Variants in GALNT6 observed in about 807,000 individuals in gnomAD.
GALNT6 encodes the protein polypeptide N-acetylgalactosaminyltransferase 6, also known as GalNAc transferase 6.
GALNT6 carries 51 observed loss-of-function variants against 65.9 expected under a neutral mutation model. The observed-to-expected ratio is 0.77, with a 90% confidence interval of 0.62 to 0.98. The LOEUF is 0.98. Ranked by LOEUF, GALNT6 falls within the 50% of genes least tolerant of loss-of-function variation. The probability of loss-of-function intolerance (pLI) is 0.00; values close to 1 mark genes in which losing one functional copy is unlikely to be tolerated. For missense variants in GALNT6, 708 were observed against 803.3 expected (o/e 0.88, Z 1.43); for synonymous variants, 323 against 315.1 (o/e 1.02, Z -0.26).
In GALNT6 at chr12:51,360,842, G is replaced by A. The variant is rs757075864; in HGVS notation, c.1050-4C>T. 1.9e-6 allele frequency: 3 copies of A among 1,590,912 alleles called. No individual in the cohort carries two copies. The African/African-American group carries it at 4.0e-5, about 21-fold the overall frequency. ...GCCACCAGCAAACGTCGGGGATCTGGAGAGACAGAGGGAGAAGTGTGTGCA... is the reference window on the plus strand; with the variant it reads ...GCCACCAGCAAACGTCGGGGATCTGAAGAGACAGAGGGAGAAGTGTGTGCA... On this transcript the variant is annotated splice_region_variant and splice_polypyrimidine_tract_variant and intron_variant, in intron 6 of 11. Coordinates refer to ENST00000356317, the MANE Select transcript of GALNT6 (RefSeq NM_007210.4).
At chr12:51,377,850 G>C (rs576509621) in intron 3 of GALNT6, among the ~76,000 whole-genome samples, 47 of 152,196 alleles carry the variant, frequency 3.1e-4, no homozygotes, top group Non-Finnish European at 6.5e-4. Context: ...ACAGCGTACA[G>C]TTCCTCTCTA....
intron 7 of GALNT6, chr12:51,359,702 G>A (rs1287947552): frequency 5.9e-6 from 1 of 168,696 alleles, no homozygotes; most frequent in African/African-American, 2.4e-5. Flanking sequence ...GCTCCCTCAG[G>A]TGATAAAAAC....
chr12:51,386,008 A>G (rs1947828040), intron 2 of GALNT6, among the ~76,000 whole-genome samples: 1 of 152,118 alleles, frequency 6.6e-6, no homozygotes. Flanking sequence ...GGCTAGTTCC[A>G]CAAACTCTTG....
chr12:51,370,059 G>C (rs913582705), intron 4 of GALNT6, among the ~76,000 whole-genome samples: 4 of 152,286 alleles, frequency 2.6e-5, no homozygotes, highest in Admixed American at 6.5e-5. Context: ...ATTACCATAT[G>C]ATCCAGCAAT....
chr12:51,368,413 C>CT (rs1947182266), intron 4 of GALNT6, among the ~76,000 whole-genome samples: 178 of 111,934 alleles, frequency 1.6e-3, no homozygotes, highest in African/African-American at 5.7e-3. Flanking sequence ...TTTTTTTCTT[C>CT]TTTTTTTTGG....
At chr12:51,389,990 G>A (rs1947982386) in intron 2 of GALNT6, among the ~76,000 whole-genome samples, 1 of 152,016 alleles carries the variant, frequency 6.6e-6, no homozygotes, top group Non-Finnish European at 1.5e-5. Context: ...TGAGGGTCTT[G>A]TCCTGTTCTC....
Position 51,391,359 on chromosome 12 carries a change from G to C in GALNT6, c.-264C>G, listed in dbSNP as rs1025747878. ...CAAGGTGGAGGGGGGTCCTACCGAGGGAGGAGCTACAGGCCACCGCGACCA... is the reference window on the plus strand; with the variant it reads ...CAAGGTGGAGGGGGGTCCTACCGAGCGAGGAGCTACAGGCCACCGCGACCA... On this transcript the variant is annotated 5_prime_UTR_variant, in exon 1 of 12. Transcript: ENST00000356317. 5 of 153,298 alleles carry C rather than the reference G, an allele frequency of 3.3e-5. No homozygotes were observed. The highest frequency in any genetic ancestry group is 7.2e-5 in the African/African-American group (3 of 41,456). The allele number at this position is 153,298 out of a possible 1,614,324, so 9.5% of individuals were successfully genotyped here. A position where few individuals can be genotyped will look rare whatever the true frequency, so the allele number is the denominator to read the frequency against.
Position 51,352,413 on chromosome 12 carries a change from G to A in GALNT6, c.*1966C>T, listed in dbSNP as rs1432615098. 6.6e-6 allele frequency: 1 copy of A among 152,194 alleles called. No individual in the cohort carries two copies. Among genetic ancestry groups the A allele is most frequent in the African/African-American group, 2.4e-5 (1 of 41,434 alleles). 9.4% of individuals were successfully genotyped at this position (152,194 alleles called of 1,614,324 possible). ...TTACCTGGACTCAGTTTCATAATATGAAAATGATAGGGTTGGGCTACGTGA... is the reference window on the plus strand; with the variant it reads ...TTACCTGGACTCAGTTTCATAATATAAAAATGATAGGGTTGGGCTACGTGA... On this transcript the variant is annotated 3_prime_UTR_variant, in exon 12 of 12. Transcript: ENST00000356317.
rs539346316 is a variant in GALNT6 at position 51,385,593 on chromosome 12, C to T, written c.-104+5257G>A. ...GTCATAGAAGTTTGAAAGCCAGTGA[C>T]ACAGTCCAAACCCCACAGTTTATAT... On this transcript the variant is annotated intron_variant, in intron 2 of 11. Coordinates refer to ENST00000356317, the MANE Select transcript of GALNT6 (RefSeq NM_007210.4). Among the ~76,000 whole-genome samples the T allele has an allele frequency of 9.3e-4, 142 of 152,234 alleles. 1 individual carries two copies. The highest frequency in any genetic ancestry group is 1.9e-3 in the South Asian group (9 of 4,832).
chr12:51,371,604 C>T (rs1301419011), intron 4 of GALNT6, among the ~76,000 whole-genome samples: 5 of 151,794 alleles, frequency 3.3e-5, no homozygotes, highest in Non-Finnish European at 1.5e-5. Context: ...CTTTTTTTTC[C>T]CTCTAATTTA....
chr12:51,378,205 A>T (rs1464530996), intron 3 of GALNT6, among the ~76,000 whole-genome samples: 1 of 152,026 alleles, frequency 6.6e-6, no homozygotes, highest in Admixed American at 6.5e-5. Flanking sequence ...CTCAGGCTGG[A>T]GTGCAGTGGT....
intron 7 of GALNT6, among the ~76,000 whole-genome samples, chr12:51,360,473 C>A (rs1467771556): frequency 6.6e-6 from 1 of 152,118 alleles, no homozygotes; most frequent in East Asian, 1.9e-4. Flanking sequence ...GTCCTCATTA[C>A]CCCTATTATT....
At chr12:51,365,179 G>T (rs900442458) in intron 5 of GALNT6, among the ~76,000 whole-genome samples, 6 of 152,150 alleles carry the variant, frequency 3.9e-5, no homozygotes, top group Admixed American at 3.9e-4. Flanking sequence ...AATGTCCGGG[G>T]CCCCGGTGAT....
At chr12:51,391,045 T>G (rs962868730) in intron 1 of GALNT6, 108 bp from the exon 2 acceptor site, 2 of 152,268 alleles carry the variant, frequency 1.3e-5, no homozygotes, top group Admixed American at 1.3e-4. Context: ...GCCCCCAGGC[T>G]CTGGAGGGAA....
intron 2 of GALNT6, among the ~76,000 whole-genome samples, chr12:51,381,018 C>T (rs950834127): frequency 3.3e-5 from 5 of 152,156 alleles, no homozygotes; most frequent in African/African-American, 4.8e-5. Flanking sequence ...GTGGGAGGAT[C>T]GCTTGGGCCC....
At chr12:51,357,499 G>A (rs1345059337) in intron 9 of GALNT6, 49 bp from the exon 10 acceptor site, 2 of 1,399,356 alleles carry the variant, frequency 1.4e-6, no homozygotes, top group Non-Finnish European at 1.0e-6. Flanking sequence ...CAGTCAGGAG[G>A]TTCCTCATGT....
intron 4 of GALNT6, among the ~76,000 whole-genome samples, chr12:51,373,955 G>A (rs1456598214): frequency 6.6e-6 from 1 of 152,174 alleles, no homozygotes; most frequent in East Asian, 1.9e-4. Flanking sequence ...AGCCTGCTGG[G>A]CTCAAGCAAT....
rs569225044 is a variant in GALNT6, at chr12:51,369,891, A to G, written c.665-4312T>C. ...CCTTCTATACCACTCTCCTCAATCT[A>G]TTCTTGACACGGCAGCTACTGTGAG... On this transcript the variant is annotated intron_variant, in intron 4 of 11. Coordinates refer to ENST00000356317, the MANE Select transcript of GALNT6 (RefSeq NM_007210.4). Among the ~76,000 whole-genome samples the G allele has an allele frequency of 4.9e-4, 74 of 152,246 alleles. No individual in the cohort carries two copies. The South Asian group carries it at 0.015, about 32-fold the overall frequency.
Position 51,379,465 on chromosome 12 carries a change from G to A in GALNT6, c.317C>T (p.Pro106Leu), listed in dbSNP as rs1947585264. The change falls in exon 3 of 12, where the codon CCA (proline) becomes CTA (leucine). Residue 106 changes from proline to leucine, a missense_variant. Physicochemically the swap from Pro to Leu is moderately conservative, Grantham distance 98. Transcript: ENST00000356317. ...PAELKPFWER[P>L]PQDPNAPGAD... ...CCCAGGGGCATTGGGGTCCTGTGGT[G>A]GCCGTTCCCAGAAGGGCTTCAGTTC... 1.9e-6 allele frequency: 3 copies of A among 1,614,146 alleles called. No individual in the cohort carries two copies. Among genetic ancestry groups the A allele is most frequent in the Admixed American group, 1.7e-5 (1 of 60,022 alleles).
Sources: allele counts gnomAD v4.1 joint callset (sites outside exome capture counted in the v4.1 genomes callset), GRCh38; gene constraint gnomAD v4.1.1; transcripts MANE v1.5; gene names NCBI Gene and HGNC (gene_info 2026-07-23, HGNC 2026-07-21).